SUPV3L1: variants seen among roughly 807,000 people sequenced by gnomAD.
The protein encoded by SUPV3L1 is Suv3 like RNA helicase, also known as ATP-dependent RNA helicase SUPV3L1, mitochondrial.
In SUPV3L1, 35 loss-of-function variants were observed where a neutral mutation model predicts 70.0. That is an observed-to-expected ratio of 0.50 (90% confidence interval 0.38 to 0.66). The LOEUF (loss-of-function observed/expected upper bound fraction) is 0.66, where lower values mean the gene tolerates loss of function less well. Among genes scored for constraint, SUPV3L1 ranks in the 30% least tolerant of loss-of-function variants. SUPV3L1 has a pLI of 0.00. For missense variants in SUPV3L1, 777 were observed against 961.5 expected, an observed-to-expected ratio of 0.81 and a Z score of 2.54; for synonymous variants, 364 against 341.9, an observed-to-expected ratio of 1.06 and a Z score of -0.71.
rs1415719254 is a variant in SUPV3L1 at position 69,187,643 on chromosome 10, T to C, written c.459T>C (p.Ala153=). The C allele has an allele frequency of 6.3e-7, 1 of 1,598,600 alleles. No individual in the cohort carries two copies. The highest frequency in any genetic ancestry group is 1.1e-5 in the South Asian group (1 of 88,956). ...TTAATACAGTGTTTTATTTTCCAGCTCATGCGGATGATTTATTCCCATTTT... is the reference window on the plus strand; with the variant it reads ...TTAATACAGTGTTTTATTTTCCAGCCCATGCGGATGATTTATTCCCATTTT... ...IVLNDICFGA[A]HADDLFPFFL... is the part of the protein sequence containing the mutation. Residue 153 remains alanine, a splice_region_variant and synonymous_variant, in exon 4 of 15, where the codon GCT becomes GCC. Coordinates refer to ENST00000359655, the MANE Select transcript of SUPV3L1 (RefSeq NM_003171.5).
intron 13 of SUPV3L1, among the ~76,000 whole-genome samples, chr10:69,206,572 G>A (rs1296943655): frequency 6.6e-6 from 1 of 152,216 alleles, no homozygotes; most frequent in African/African-American, 2.4e-5. Context: ...GTTCAAGACA[G>A]GGCTGTGATG....
At chr10:69,189,865 C>G (rs990153455) in intron 5 of SUPV3L1, among the ~76,000 whole-genome samples, 1 of 152,104 alleles carries the variant, frequency 6.6e-6, no homozygotes, top group African/African-American at 2.4e-5. Flanking sequence ...CCAGGATGGT[C>G]TCAATCTCCT....
intron 6 of SUPV3L1, among the ~76,000 whole-genome samples, chr10:69,193,837 A>G (rs1279969389): frequency 6.6e-6 from 1 of 152,246 alleles, no homozygotes; most frequent in African/African-American, 2.4e-5. Context: ...AAAGTAAAAT[A>G]TAATATATGA....
At chr10:69,187,915 A>G (rs77012328) in intron 4 of SUPV3L1, among the ~76,000 whole-genome samples, 159 bp downstream of exon 4, 1,823 of 152,204 alleles carry the variant, frequency 0.012, 26 homozygotes, top group African/African-American at 0.041. Flanking sequence ...CTTTTAGGCA[A>G]TTCACTGGTA....
chr10:69,205,301 A>G (rs12256724), intron 13 of SUPV3L1, among the ~76,000 whole-genome samples: 6,300 of 152,264 alleles, frequency 0.041, 463 homozygotes, highest in African/African-American at 0.14. Context: ...CATTCACACC[A>G]TCCTTTAAAC....
In SUPV3L1 at chr10:69,207,690, C is replaced by T. The variant is rs1842866353; in HGVS notation, c.1777-103C>T. The T allele has an allele frequency of 1.2e-5, 16 of 1,362,132 alleles. No homozygotes were observed. The South Asian group carries it at 2.1e-4, about 18-fold the overall frequency. 84.4% of individuals were successfully genotyped at this position (1,362,132 alleles called of 1,614,324 possible). A position where few individuals can be genotyped will look rare whatever the true frequency, so the allele number is the denominator to read the frequency against. Reference sequence around the variant, plus strand: ...AAGAAACCACCTGTCTATTGAAATACAACCACAATGTTTTGTTTTGCTTTC... The same window carrying T: ...AAGAAACCACCTGTCTATTGAAATATAACCACAATGTTTTGTTTTGCTTTC... On this transcript the variant is annotated intron_variant, in intron 13 of 14. Transcript: ENST00000359655.
chr10:69,200,690 A>G (rs530506125), intron 11 of SUPV3L1, among the ~76,000 whole-genome samples, 191 bp downstream of exon 11: 35 of 152,322 alleles, frequency 2.3e-4, no homozygotes, highest in African/African-American at 5.1e-4. Flanking sequence ...TTCTTTGATC[A>G]GAGAATGGTA....
chr10:69,180,538 G>A lies in SUPV3L1; in HGVS notation c.247G>A (p.Glu83Lys), dbSNP rs747615570. 1.2e-6 allele frequency: 2 copies of A among 1,614,018 alleles called. No individual in the cohort carries two copies. The highest frequency in any genetic ancestry group is 2.2e-5 in the East Asian group (1 of 44,894). ...GPSADGDVGA[E>K]LTRPLDKNEV... Reference sequence around the variant, plus strand: ...CAGCGCCGACGGCGACGTCGGGGCCGAGCTAACCCGGCCTCTGGACAAGAG... The same window carrying A: ...CAGCGCCGACGGCGACGTCGGGGCCAAGCTAACCCGGCCTCTGGACAAGAG... Residue 83 changes from glutamate to lysine, a missense_variant, in exon 1 of 15, where the codon GAG (glutamate) becomes AAG (lysine). Transcript: ENST00000359655.
chr10:69,191,333 A>AT (rs1842391839), intron 5 of SUPV3L1, among the ~76,000 whole-genome samples: 1 of 146,990 alleles, frequency 6.8e-6, no homozygotes, highest in Admixed American at 7.0e-5. Context: ...AGTTCAAGTG[A>AT]TTCCCCTGCC....
chr10:69,202,437 A>C lies in SUPV3L1; in HGVS notation c.1519-2A>C. ...TATGATTGTTTTTTCTTTTACTAAA[A>C]GGCAGCTGGTCTTCATCCAACTGCT... is the stretch of plus-strand genomic sequence containing the variant. On this transcript the variant is annotated splice_acceptor_variant, in intron 11 of 14. Coordinates refer to ENST00000359655, the MANE Select transcript of SUPV3L1 (RefSeq NM_003171.5). LOFTEE classifies it high-confidence loss of function. 1.9e-6 allele frequency: 3 copies of C among 1,602,688 alleles called. No homozygotes were observed. Among genetic ancestry groups the C allele is most frequent in the Non-Finnish European group, 2.6e-6 (3 of 1,175,632 alleles).
intron 6 of SUPV3L1, among the ~76,000 whole-genome samples, chr10:69,193,804 C>T (rs1206149112): frequency 2.0e-5 from 3 of 152,138 alleles, no homozygotes; most frequent in Non-Finnish European, 2.9e-5. Flanking sequence ...GTTCTCTTTT[C>T]AATTCTGTAG....
chr10:69,207,780 CTT>C lies in SUPV3L1; in HGVS notation c.1777-11_1777-10del. On this transcript the variant is annotated splice_polypyrimidine_tract_variant and intron_variant, in intron 13 of 14. Coordinates refer to ENST00000359655, the MANE Select transcript of SUPV3L1 (RefSeq NM_003171.5). ...GACACTTCTCTGAAACCCTTTTCCTCTTTCTCTCTCAGTTTGCCAGGCAGTAT... is the reference window on the plus strand; with the variant it reads ...GACACTTCTCTGAAACCCTTTTCCTCTCTCTCTCAGTTTGCCAGGCAGTAT... 6.2e-7 allele frequency: 1 copy of C among 1,607,648 alleles called. No individual in the cohort carries two copies. The highest frequency in any genetic ancestry group is 8.5e-7 in the Non-Finnish European group (1 of 1,177,130).
At chr10:69,189,666 A>C (rs1482758791) in intron 5 of SUPV3L1, among the ~76,000 whole-genome samples, 1 of 41,232 alleles carries the variant, frequency 2.4e-5, no homozygotes, top group Admixed American at 3.2e-4. Context: ...TTTTTTTTTG[A>C]GATGGAGTCT....
At chr10:69,201,943 T>C (rs976687283) in intron 11 of SUPV3L1, among the ~76,000 whole-genome samples, 3 of 150,916 alleles carry the variant, frequency 2.0e-5, no homozygotes, top group Non-Finnish European at 2.9e-5. Context: ...TGGGTTCAAG[T>C]GATTCTCATG....
intron 13 of SUPV3L1, among the ~76,000 whole-genome samples, chr10:69,205,834 C>T (rs577730981): frequency 2.2e-4 from 34 of 152,116 alleles, no homozygotes; most frequent in Non-Finnish European, 3.5e-4. Flanking sequence ...CACACCCGGC[C>T]GCTCCGTGTG....
At chr10:69,208,065 G>A (rs191409175) in intron 14 of SUPV3L1, 124 bp downstream of exon 14, 2 of 1,214,122 alleles carry the variant, frequency 1.6e-6, no homozygotes, top group Admixed American at 4.6e-5. Flanking sequence ...TATGTCTATT[G>A]TCCATAAAGG....
At chr10:69,201,832 C>T (rs1046521993) in intron 11 of SUPV3L1, among the ~76,000 whole-genome samples, 6 of 144,732 alleles carry the variant, frequency 4.1e-5, no homozygotes, top group Non-Finnish European at 6.0e-5. Context: ...AGCCACTGCA[C>T]CTGGCCGTAA....
intron 13 of SUPV3L1, among the ~76,000 whole-genome samples, chr10:69,204,458 T>C (rs955329861): frequency 1.3e-5 from 2 of 152,172 alleles, no homozygotes; most frequent in Non-Finnish European, 2.9e-5. Context: ...CTGTGGCTCA[T>C]GCCTGTAATC....
At chr10:69,186,307 A>G (rs920220579) in intron 2 of SUPV3L1, 136 bp from the exon 3 acceptor site, 18 of 738,622 alleles carry the variant, frequency 2.4e-5, no homozygotes, top group Non-Finnish European at 2.7e-5. Flanking sequence ...CCAGATCATA[A>G]TAAACCAGCT....
Sources: allele counts gnomAD v4.1 joint callset (sites outside exome capture counted in the v4.1 genomes callset), GRCh38; gene constraint gnomAD v4.1.1; transcripts MANE v1.5; gene names NCBI Gene and HGNC (gene_info 2026-07-23, HGNC 2026-07-21).